Variants in DMRTC1 observed in about 807,000 individuals in gnomAD.
DMRTC1 encodes DMRT like family C1, also known as doublesex- and mab-3-related transcription factor C1.
For missense variants in DMRTC1, 9 were observed against 34.6 expected, an observed-to-expected ratio of 0.26 and a Z score of 1.86; for synonymous variants, 7 against 14.1, an observed-to-expected ratio of 0.50 and a Z score of 1.13.
At chrX:72,913,351 C>G (rs1382485606) in intron 1 of DMRTC1, 6 of 525,320 alleles carry the variant, frequency 1.1e-5, no homozygotes, top group South Asian at 5.2e-5. Flanking sequence ...CCTGCTCGCC[C>G]CAGTGTCCCG....
At chrX:72,914,216 G>GA (rs1556355866) in intron 1 of DMRTC1, among the ~76,000 whole-genome samples, 13 of 28,718 alleles carry the variant, frequency 4.5e-4, no homozygotes, top group Admixed American at 1.6e-3. Context: ...AGCCAGGGGA[G>GA]GAAAAAAAAA....
intron 1 of DMRTC1, among the ~76,000 whole-genome samples, chrX:72,879,832 CCCTT>C (rs782262044): frequency 0.047 from 2,159 of 45,809 alleles, 7 homozygotes; most frequent in East Asian, 0.32. Context: ...CTCCCTCCCA[CCCTT>C]CCTTCCTTCC....
At chrX:72,887,158 G>C (rs1292666828) in intron 1 of DMRTC1, among the ~76,000 whole-genome samples, 2 of 33,950 alleles carry the variant, frequency 5.9e-5, no homozygotes, top group African/African-American at 3.1e-4. Context: ...GCATGCATTA[G>C]GTATTTGTCC....
intron 1 of DMRTC1, chrX:72,913,054 C>T: frequency 2.0e-6 from 1 of 500,097 alleles, no homozygotes; most frequent in Non-Finnish European, 3.5e-6. Context: ...CTTGGAGGAG[C>T]CGGTTCCAGA....
Position 72,872,629 on chromosome X carries a change from T to C in DMRTC1, c.467-65A>G, listed in dbSNP as rs782717364. On this transcript the variant is annotated intron_variant, in intron 6 of 6. Coordinates refer to ENST00000615063, the MANE Select transcript of DMRTC1 (RefSeq NM_033053.3). ...CACATCCCCTTCCAGATCTACTCTTTTTATGCGTCCCGCCCAACCAAAGAT... is the reference window on the plus strand; with the variant it reads ...CACATCCCCTTCCAGATCTACTCTTCTTATGCGTCCCGCCCAACCAAAGAT... 200 of 1,195,198 alleles carry C rather than the reference T, an allele frequency of 1.7e-4. 4 individuals carry two copies. The African/African-American group carries it at 3.3e-3, about 20-fold the overall frequency.
At chrX:72,913,435 C>T (rs1189267191) in intron 1 of DMRTC1, 4 of 427,654 alleles carry the variant, frequency 9.4e-6, no homozygotes, top group Non-Finnish European at 1.7e-5. Context: ...ACTTTCAACA[C>T]GTCGGCTGAA....
chrX:72,880,694 TTC>T (rs1191596635), intron 1 of DMRTC1, among the ~76,000 whole-genome samples: 1 of 5,744 alleles, frequency 1.7e-4, no homozygotes, highest in African/African-American at 3.3e-4. Context: ...TTTTCTTTCT[TTC>T]TTTTTTTTTT....
chrX:72,905,990 A>T (rs1276143415), intron 1 of DMRTC1, among the ~76,000 whole-genome samples: 97 of 105,755 alleles, frequency 9.2e-4, no homozygotes, highest in Admixed American at 8.5e-3. Flanking sequence ...ACAAACCTTT[A>T]GCCAGACTAA....
intron 1 of DMRTC1, among the ~76,000 whole-genome samples, chrX:72,879,732 TTC>T (rs1290768650): frequency 4.6e-4 from 28 of 60,628 alleles, no homozygotes; most frequent in African/African-American, 1.1e-3. Context: ...TTTCTTTCTT[TTC>T]CTTTCTTTCT....
chrX:72,905,871 A>G (rs1268322812), intron 1 of DMRTC1, among the ~76,000 whole-genome samples: 6 of 113,601 alleles, frequency 5.3e-5, no homozygotes, highest in African/African-American at 2.0e-4. Context: ...AGAAAGAATG[A>G]AATAATAAAA....
rs1266208518 is a variant in DMRTC1 at position 72,905,789 on chromosome X, G to A, written c.-94-30001C>T. ...TGCTGGAATTACAGGCGTGAGTCAC[G>A]GCGCCTGGACTAAATTTACTTTTTA... On this transcript the variant is annotated intron_variant, in intron 1 of 6. Transcript: ENST00000615063. 1.3e-4 allele frequency among the ~76,000 whole-genome samples: 12 copies of A among 90,693 alleles called. No homozygotes were observed. The East Asian group carries it at 3.2e-3, about 24-fold the overall frequency. The allele number at this position is 90,693 out of a possible 115,157, so 78.8% of individuals were successfully genotyped here. A position where few individuals can be genotyped will look rare whatever the true frequency, so the allele number is the denominator to read the frequency against.
chrX:72,887,225 C>T (rs2054888883), intron 1 of DMRTC1, among the ~76,000 whole-genome samples: 1 of 31,134 alleles, frequency 3.2e-5, no homozygotes, highest in Non-Finnish European at 5.5e-5. Context: ...TGTGATGTTC[C>T]CCTCCCTGCG....
chrX:72,924,276 CTGTT>C (rs1449401291), intron 1 of DMRTC1, among the ~76,000 whole-genome samples: 1 of 83,041 alleles, frequency 1.2e-5, no homozygotes, highest in African/African-American at 4.5e-5. Context: ...AGTAGCATGT[CTGTT>C]TGCCAATAGC....
chrX:72,902,876 A>C (rs2054911684), intron 1 of DMRTC1, among the ~76,000 whole-genome samples: 2 of 52,593 alleles, frequency 3.8e-5, no homozygotes, highest in Non-Finnish European at 5.9e-5. Context: ...AACTCATTCT[A>C]TGAGTGTTTT....
intron 4 of DMRTC1, among the ~76,000 whole-genome samples, 170 bp downstream of exon 4, chrX:72,874,655 T>TCTC (rs1455922814): frequency 1.0e-5 from 1 of 96,665 alleles, no homozygotes; most frequent in Non-Finnish European, 2.0e-5. Context: ...TCCTCCTTCT[T>TCTC]CTCCTCCTCC....
chrX:72,874,702 TCCTCCTCCCCCTCCACCA>T, intron 4 of DMRTC1, 105 bp downstream of exon 4: 1 of 756,398 alleles, frequency 1.3e-6, no homozygotes, highest in Non-Finnish European at 1.7e-6. Flanking sequence ...CTCCTCCTGC[TCCTCCTCCCCCTCCACCA>T]CCTCCTCCTC....
intron 1 of DMRTC1, among the ~76,000 whole-genome samples, chrX:72,905,738 G>A (rs2054927002): frequency 1.6e-5 from 1 of 63,370 alleles, no homozygotes. Context: ...CTCACCTCGT[G>A]ATCCACCCGC....
intron 1 of DMRTC1, among the ~76,000 whole-genome samples, chrX:72,913,927 A>C: frequency 2.1e-5 from 1 of 47,940 alleles, no homozygotes; most frequent in Non-Finnish European, 3.4e-5. Flanking sequence ...TAAGATGAGG[A>C]CTTTATTTTT....
At chrX:72,874,685 C>G in intron 4 of DMRTC1, 140 bp downstream of exon 4, 1 of 948,718 alleles carries the variant, frequency 1.1e-6, no homozygotes, top group Admixed American at 3.4e-5. Flanking sequence ...TCCTCCTCCT[C>G]CTCCTCCTCC....
Sources: allele counts gnomAD v4.1 joint callset (sites outside exome capture counted in the v4.1 genomes callset), GRCh38; gene constraint gnomAD v4.1.1; transcripts MANE v1.5; gene names NCBI Gene and HGNC (gene_info 2026-07-23, HGNC 2026-07-21).